Variants in COL6A3 observed in about 807,000 individuals in gnomAD.
COL6A3 encodes collagen alpha-3(VI) chain.
Under a neutral mutation model 274.1 loss-of-function variants are expected in COL6A3, and 137 were observed. That is an observed-to-expected ratio of 0.50 (90% confidence interval 0.44 to 0.58). The LOEUF is 0.58. COL6A3 is among the 20% of genes least tolerant of loss of function. The pLI, the probability that COL6A3 is intolerant of heterozygous loss-of-function variation, is 0.00. For synonymous variants in COL6A3, 1,650 were observed against 1,650.6 expected, an observed-to-expected ratio of 1.00 and a Z score of 0.01; for missense variants, 3,950 against 4,124.9, an observed-to-expected ratio of 0.96 and a Z score of 1.16.
At chr2:237,335,919 C>A (rs1212406034) in intron 40 of COL6A3, among the ~76,000 whole-genome samples, 1 of 152,212 alleles carries the variant, frequency 6.6e-6, no homozygotes, top group Non-Finnish European at 1.5e-5. Flanking sequence ...AGAATGAGAG[C>A]TTCCCATCCC....
At chr2:237,405,027 TTATCCAGAATA>T (rs537849560) in intron 1 of COL6A3, among the ~76,000 whole-genome samples, 75 of 152,270 alleles carry the variant, frequency 4.9e-4, no homozygotes, top group African/African-American at 1.7e-3. Context: ...AGGAATTATT[TTATCCAGAATA>T]TATCCAGATA....
intron 22 of COL6A3, 45 bp from the exon 23 acceptor site, chr2:237,357,436 A>G (rs1307668449): frequency 3.3e-6 from 5 of 1,521,604 alleles, no homozygotes; most frequent in Non-Finnish European, 4.6e-6. Flanking sequence ...TGCAGAGAAG[A>G]ATGTCTAGCT....
Position 237,359,062 on chromosome 2 carries a change from A to G in COL6A3, c.6381T>C (p.Ser2127=), listed in dbSNP as rs1455192442. The stretch of plus-strand genomic sequence containing the variant: ...TTCTTCCAGGATTCCCTTTCTCTCC[A>G]GAAGAACCAGGCAATCCTTTGTCTC... ...EDGDKGLPGS[S]GEKGNPGRRG... The change falls in exon 20 of 44, where the codon TCT becomes TCC. Residue 2127 remains serine (S), a synonymous_variant. Coordinates refer to ENST00000295550, the MANE Select transcript of COL6A3 (RefSeq NM_004369.4). 6.2e-7 allele frequency: 1 copy of G among 1,614,180 alleles called. No homozygotes were observed. The highest frequency in any genetic ancestry group is 2.2e-5 in the East Asian group (1 of 44,886).
rs747976144 is a variant in COL6A3, at chr2:237,341,009, T to C, written c.7907A>G (p.Asn2636Ser). 2 of 1,614,166 alleles carry C rather than the reference T, an allele frequency of 1.2e-6. No individual in the cohort carries two copies. The highest frequency in any genetic ancestry group is 1.7e-5 in the Admixed American group (1 of 60,022). The change falls in exon 38 of 44, where the codon AAT becomes AGT. Residue 2636 changes from asparagine (N) to serine (S), a missense_variant. Asn to Ser is a conservative substitution (Grantham distance 46). Transcript: ENST00000295550. ...GTACGCTATGTACTTCTTCATCTCA[T>C]TGAACTGGAACAGGGTGGTGGTCTC... The part of the protein sequence containing the change: ...SAETTTLFQF[N>S]EMKKYIAYLV...
chr2:237,405,167 A>C (rs1223255567), intron 1 of COL6A3, among the ~76,000 whole-genome samples: 1 of 152,084 alleles, frequency 6.6e-6, no homozygotes, highest in African/African-American at 2.4e-5. Context: ...TTCAGAACCC[A>C]TATGGTTTGA....
chr2:237,413,832 G>T lies in COL6A3; in HGVS notation c.-31+121C>A, dbSNP rs1014406802. The T allele has an allele frequency of 2.0e-5, 3 of 152,222 alleles. No homozygotes were observed. Among genetic ancestry groups the T allele is most frequent in the East Asian group, 1.9e-4 (1 of 5,180 alleles). 9.4% of individuals were successfully genotyped at this position (152,222 alleles called of 1,614,324 possible). On this transcript the variant is annotated intron_variant, in intron 1 of 43. Coordinates refer to ENST00000295550, the MANE Select transcript of COL6A3 (RefSeq NM_004369.4). The surrounding 1 kb of genome is among the most constrained non-coding windows in gnomAD (Gnocchi z 4.0). ...CTTCCAGAGACCTAAAACATGTACA[G>T]AAAACTGGCGATCAGCATGAACGTA...
At chr2:237,357,761 G>A in intron 22 of COL6A3, 56 bp downstream of exon 22, 9 of 1,563,080 alleles carry the variant, frequency 5.8e-6, no homozygotes, top group Non-Finnish European at 7.9e-6. Context: ...GCCGAGAAGT[G>A]TGTCCTTTCT....
In COL6A3 at chr2:237,371,969, C is replaced by G. The variant is rs752977410; in HGVS notation, c.4048G>C (p.Asp1350His). 1 of 1,614,138 alleles carries G rather than the reference C, an allele frequency of 6.2e-7. No homozygotes were observed. Among genetic ancestry groups the G allele is most frequent in the Non-Finnish European group, 8.5e-7 (1 of 1,180,026 alleles). The change falls in exon 9 of 44, where the codon GAT becomes CAT. Residue 1350 changes from aspartate (D) to histidine (H), a missense_variant. Asp to His is a moderately conservative substitution (Grantham distance 81, BLOSUM62 -1). This residue lies in a region of COL6A3 where 1,934 missense variants were observed against 1,984.3 expected (regional missense o/e 0.97). Transcript: ENST00000295550. This position sits in a 1 kb window ranked among gnomAD's most constrained non-coding sequence, Gnocchi z 4.3. Reference sequence around the variant, plus strand: ...TCCACCGCCGGGTCGTCCACCTCATCGTCAGACTTTCCAGACGAGATGAGG... The same window carrying G: ...TCCACCGCCGGGTCGTCCACCTCATGGTCAGACTTTCCAGACGAGATGAGG... The part of the protein sequence containing the change: ...LVLISSGKSD[D>H]EVDDPAVELK...
chr2:237,406,936 G>A (rs974844500), intron 1 of COL6A3, among the ~76,000 whole-genome samples: 1 of 127,600 alleles, frequency 7.8e-6, no homozygotes, highest in Non-Finnish European at 1.6e-5. Context: ...TTGAGACAGA[G>A]TATAGCTCTG....
At chr2:237,403,642 G>A (rs1366385439) in intron 1 of COL6A3, among the ~76,000 whole-genome samples, 1 of 152,096 alleles carries the variant, frequency 6.6e-6, no homozygotes, top group Non-Finnish European at 1.5e-5. Context: ...CCTTGCAATG[G>A]TCACTGCCTT....
rs774161895 is a variant in COL6A3, at chr2:237,376,849, G to A, written c.2993C>T (p.Ser998Leu). 15 of 1,614,060 alleles carry A rather than the reference G, an allele frequency of 9.3e-6. No individual in the cohort carries two copies. The highest frequency in any genetic ancestry group is 5.3e-5 in the African/African-American group (4 of 74,920). The change falls in exon 7 of 44, where the codon TCG becomes TTG. Residue 998 changes from serine to leucine, a missense_variant. Ser to Leu is a moderately radical substitution (Grantham distance 145). Transcript: ENST00000295550. ...ATGAAGATCTCCAATCTTGGGAAGC[G>A]ACTCTGCAGCCAGGATAAACGCTGG... ...LSPAFILAAESLPKIGDLHPQ... is the reference protein window; with the variant it reads ...LSPAFILAAELLPKIGDLHPQ...
intron 4 of COL6A3, among the ~76,000 whole-genome samples, chr2:237,382,315 G>A (rs2078027280): frequency 6.6e-6 from 1 of 152,114 alleles, no homozygotes; most frequent in South Asian, 2.1e-4. Flanking sequence ...CCTGGAAGGA[G>A]GAGGTTCCAG....
At chr2:237,399,367 C>A (rs2078532998) in intron 1 of COL6A3, among the ~76,000 whole-genome samples, 2 of 152,190 alleles carry the variant, frequency 1.3e-5, no homozygotes, top group African/African-American at 4.8e-5. Context: ...GATAGCCATG[C>A]CTCTCTTCCA....
At chr2:237,389,086 G>T (rs1443405177) in intron 3 of COL6A3, among the ~76,000 whole-genome samples, 1 of 152,130 alleles carries the variant, frequency 6.6e-6, no homozygotes, top group Non-Finnish European at 1.5e-5. Flanking sequence ...ACCCTGATTA[G>T]AATTAGCCTG....
rs748035114 is a variant in COL6A3, at chr2:237,368,540, G to T, written c.4900+23C>A. 2 of 1,613,564 alleles carry T rather than the reference G, an allele frequency of 1.2e-6. No individual in the cohort carries two copies. The highest frequency in any genetic ancestry group is 8.5e-7 in the Non-Finnish European group (1 of 1,179,564). On this transcript the variant is annotated intron_variant, in intron 10 of 43. Transcript: ENST00000295550. The surrounding 1 kb of genome is among the most constrained non-coding windows in gnomAD (Gnocchi z 4.4). ...AAAAATGTTGATGTCACACTCTGTA[G>T]TCATGGGTCACACGGTGCATACCTG...
At chr2:237,398,038 C>T (rs1290933335) in intron 1 of COL6A3, among the ~76,000 whole-genome samples, 1 of 152,234 alleles carries the variant, frequency 6.6e-6, no homozygotes, top group Non-Finnish European at 1.5e-5. Flanking sequence ...TTAAAAGAAC[C>T]TCAGAGGAAA....
At position 237,368,781 on chromosome 2, in the gene COL6A3, T is replaced by C. The variant is rs780040116; in HGVS notation, c.4682A>G (p.Gln1561Arg). ...CACAATGCCCGAGGAACGGATCACCTGGGCGAACCTGGACACATCGTCCTG... is the reference window on the plus strand; with the variant it reads ...CACAATGCCCGAGGAACGGATCACCCGGGCGAACCTGGACACATCGTCCTG... ...KSQDDVSRFA[Q>R]VIRSSGIVSL... The change falls in exon 10 of 44, where the codon CAG becomes CGG. Residue 1561 changes from glutamine to arginine, a missense_variant. Physicochemically the swap from Gln to Arg is conservative, Grantham distance 43. Transcript: ENST00000295550. The surrounding 1 kb of genome is among the most constrained non-coding windows in gnomAD (Gnocchi z 4.4). 5 of 1,614,232 alleles carry C rather than the reference T, an allele frequency of 3.1e-6. No homozygotes were observed. The highest frequency in any genetic ancestry group is 1.1e-5 in the South Asian group (1 of 91,088).
intron 1 of COL6A3, among the ~76,000 whole-genome samples, chr2:237,401,294 T>C (rs1485892644): frequency 2.0e-5 from 3 of 152,226 alleles, no homozygotes; most frequent in Non-Finnish European, 4.4e-5. Flanking sequence ...CACACCCATG[T>C]TCATTTCAGC....
At chr2:237,346,997 GT>G (rs1298321196) in intron 31 of COL6A3, among the ~76,000 whole-genome samples, 1 of 151,760 alleles carries the variant, frequency 6.6e-6, no homozygotes, top group Non-Finnish European at 1.5e-5. Flanking sequence ...AGATAATTAT[GT>G]TTCTTTTTAA....
Sources: gnomAD v4.1 joint callset for allele counts (sites outside exome capture counted in the v4.1 genomes callset) on GRCh38, gnomAD v4.1.1 for gene constraint, gnomAD v4.1.1 regional missense constraint, Gnocchi (gnomAD v3.1) non-coding constraint, MANE v1.5 for transcripts, NCBI Gene and HGNC (gene_info 2026-07-23, HGNC 2026-07-21) for gene names.